ZNF493: variants seen among roughly 807,000 people sequenced by gnomAD.
ZNF493 encodes zinc finger protein 493.
ZNF493 carries 11 observed loss-of-function variants against 12.2 expected under a neutral mutation model. That is an observed-to-expected ratio of 0.90 (90% CI 0.57 to 1.50). The LOEUF is 1.50. Ranked by LOEUF, ZNF493 falls within the 40% of genes most tolerant of loss-of-function variation. The probability of loss-of-function intolerance (pLI) is 0.00; values close to 1 mark genes in which losing one functional copy is unlikely to be tolerated. For synonymous variants in ZNF493, 286 were observed against 302.6 expected, an observed-to-expected ratio of 0.95 and a Z score of 0.57; for missense variants, 950 against 906.6, an observed-to-expected ratio of 1.05 and a Z score of -0.61.
intron 3 of ZNF493, chr19:21,413,446 G>A: frequency 2.5e-6 from 1 of 404,624 alleles, no homozygotes; most frequent in Non-Finnish European, 4.3e-6. Flanking sequence ...CATTGTGACT[G>A]GTTGTCCCAC....
intron 1 of ZNF493, among the ~76,000 whole-genome samples, chr19:21,402,123 A>C (rs1175359517): frequency 2.0e-5 from 3 of 151,596 alleles, no homozygotes; most frequent in Non-Finnish European, 4.4e-5. Flanking sequence ...ACCCGCCATC[A>C]CGACCGGCTA....
rs563249419 is a variant in ZNF493, at chr19:21,425,259, G to T, written c.*275G>T. The T allele has an allele frequency of 5.9e-5, 29 of 494,686 alleles. No homozygotes were observed. The highest frequency in any genetic ancestry group is 5.5e-4 in the African/African-American group (28 of 51,126). The allele number at this position is 494,686 out of a possible 1,614,324, so 30.6% of individuals were successfully genotyped here. On this transcript the variant is annotated 3_prime_UTR_variant, in exon 4 of 4. Transcript: ENST00000392288. ...TAAACATAAGAGAATTCATACCATAGAGAAATCCTACAAATATGAAGAATG... is the reference window on the plus strand; with the variant it reads ...TAAACATAAGAGAATTCATACCATATAGAAATCCTACAAATATGAAGAATG...
At chr19:21,410,795 T>C (rs939525407) in intron 3 of ZNF493, among the ~76,000 whole-genome samples, 5 of 152,104 alleles carry the variant, frequency 3.3e-5, no homozygotes, top group Non-Finnish European at 7.4e-5. Context: ...GTTTTTGTTT[T>C]TGTTTTTGTT....
chr19:21,408,346 T>C, intron 3 of ZNF493: 1 of 754,382 alleles, frequency 1.3e-6, no homozygotes, highest in Non-Finnish European at 1.6e-6. Context: ...CTAAGCTGGG[T>C]CTCGAACTCC....
rs1024059692 is a variant in ZNF493 at position 21,423,417 on chromosome 19, C to T, written c.758C>T (p.Thr253Ile). The change falls in exon 4 of 4, where the codon ACT becomes ATT. Residue 253 changes from threonine (T) to isoleucine (I), a missense_variant. Thr to Ile is a moderately conservative substitution (Grantham distance 89). Transcript: ENST00000392288. ...GKSFNQDSNL[T>I]THKRIHTGQK... ...TCTTTTAACCAGGACTCAAACCTTA[C>T]TACACATAAGAGAATTCATACTGGA... 3 of 1,613,512 alleles carry T rather than the reference C, an allele frequency of 1.9e-6. No homozygotes were observed. The highest frequency in any genetic ancestry group is 2.7e-5 in the African/African-American group (2 of 74,870).
chr19:21,407,933 G>C, intron 3 of ZNF493: 4 of 985,154 alleles, frequency 4.1e-6, no homozygotes, highest in Non-Finnish European at 4.8e-6. Context: ...AACTCCTTAA[G>C]TTTTTATAAG....
At chr19:21,411,315 T>A (rs902898435) in intron 3 of ZNF493, among the ~76,000 whole-genome samples, 3 of 152,186 alleles carry the variant, frequency 2.0e-5, no homozygotes, top group Non-Finnish European at 4.4e-5. Context: ...TGTGTAAGTA[T>A]CACACTTTTT....
chr19:21,405,850 C>A lies in ZNF493; in HGVS notation c.247C>A (p.Pro83Thr), dbSNP rs1032665819. 4 of 1,568,628 alleles carry A rather than the reference C, an allele frequency of 2.6e-6. No individual in the cohort carries two copies. The highest frequency in any genetic ancestry group is 1.8e-5 in the Admixed American group (1 of 55,950). ...GAAGGGACACAGTACGGTAGTCAAA[C>A]CCCCAGGTAGGTGAGAGTGAATGAA... is the stretch of plus-strand genomic sequence containing the variant. Reference protein sequence around the residue: ...NMKGHSTVVKPPVICSHFAED... With the variant: ...NMKGHSTVVKTPVICSHFAED... The change falls in exon 3 of 4, where the codon CCC becomes ACC. Residue 83 changes from proline to threonine, a missense_variant. Transcript: ENST00000392288.
At chr19:21,416,169 G>A (rs28875571) in intron 3 of ZNF493, among the ~76,000 whole-genome samples, 28,012 of 151,562 alleles carry the variant, frequency 0.18, 2,476 homozygotes, top group Non-Finnish European at 0.23. Flanking sequence ...AACAATGGCT[G>A]CCATCAAAAA....
At chr19:21,406,575 A>G (rs2030137484) in intron 3 of ZNF493, among the ~76,000 whole-genome samples, 1 of 152,132 alleles carries the variant, frequency 6.6e-6, no homozygotes, top group Non-Finnish European at 1.5e-5. Context: ...ATGTTAAACT[A>G]TTTTATTAGT....
chr19:21,408,321 GT>G, intron 3 of ZNF493: 1 of 636,716 alleles, frequency 1.6e-6, no homozygotes, highest in Non-Finnish European at 2.0e-6. Flanking sequence ...TGGAGACGGG[GT>G]TTCACCATGT....
chr19:21,419,989 C>T (rs1318619287), intron 3 of ZNF493, among the ~76,000 whole-genome samples: 1 of 152,162 alleles, frequency 6.6e-6, no homozygotes, highest in East Asian at 1.9e-4. Flanking sequence ...CACTCCTCTC[C>T]CAGGACAAGG....
rs568850707 is a variant in ZNF493 at position 21,409,263 on chromosome 19, C to A, written c.253+3407C>A. On this transcript the variant is annotated intron_variant, in intron 3 of 3. Transcript: ENST00000392288. ...ATGTGTAGTCATGTAAATATTTTCA[C>A]CATTTCTTATTTTCATGATGTGTTT... Among the ~76,000 whole-genome samples the A allele has an allele frequency of 6.6e-5, 10 of 152,074 alleles. No homozygotes were observed. The East Asian group carries it at 1.5e-3, about 24-fold the overall frequency.
chr19:21,413,291 CAT>C (rs1268766518), intron 3 of ZNF493: 4 of 397,042 alleles, frequency 1.0e-5, no homozygotes, highest in Non-Finnish European at 1.8e-5. Context: ...GTAACTGTGT[CAT>C]AGAGTGATTA....
rs1568385164 is a variant in ZNF493, at chr19:21,425,812, C to G, written c.*828C>G. 1 of 564,014 alleles carries G rather than the reference C, an allele frequency of 1.8e-6. No homozygotes were observed. Among genetic ancestry groups the G allele is most frequent in the Non-Finnish European group, 3.5e-6 (1 of 288,334 alleles). The allele number at this position is 564,014 out of a possible 1,614,324, so 34.9% of individuals were successfully genotyped here. A position where few individuals can be genotyped will look rare whatever the true frequency, so the allele number is the denominator to read the frequency against. On this transcript the variant is annotated 3_prime_UTR_variant, in exon 4 of 4. Coordinates refer to ENST00000392288, the MANE Select transcript of ZNF493 (RefSeq NM_001076678.3). ...TGTGGCAAAGCCTTTATCCAGTCCT[C>G]AACTCCTAGTAAACATAATTAATGA...
At chr19:21,408,708 A>T in intron 3 of ZNF493, 1 of 985,088 alleles carries the variant, frequency 1.0e-6, no homozygotes, top group Non-Finnish European at 1.2e-6. Context: ...GTTTTTGGTT[A>T]TGTATTATAA....
At chr19:21,401,797 G>C (rs942229373) in intron 1 of ZNF493, among the ~76,000 whole-genome samples, 1 of 151,582 alleles carries the variant, frequency 6.6e-6, no homozygotes, top group Non-Finnish European at 1.5e-5. Flanking sequence ...GCTAATTTTT[G>C]TATTTTTAGT....
chr19:21,414,759 A>T (rs2030430660), intron 3 of ZNF493: 1 of 152,180 alleles, frequency 6.6e-6, no homozygotes, highest in African/African-American at 2.4e-5. Flanking sequence ...GGAAAACTTT[A>T]CTTTTCCAGC....
chr19:21,399,783 A>T (rs372833346), intron 1 of ZNF493, among the ~76,000 whole-genome samples: 2 of 152,310 alleles, frequency 1.3e-5, no homozygotes, highest in South Asian at 2.1e-4. Flanking sequence ...GCCAAGAAAA[A>T]GGAGAGAAAA....
Sources: allele counts gnomAD v4.1 joint callset (sites outside exome capture counted in the v4.1 genomes callset), GRCh38; gene constraint gnomAD v4.1.1; transcripts MANE v1.5; gene names NCBI Gene and HGNC (gene_info 2026-07-23, HGNC 2026-07-21).